Variants in TRMT6 observed in about 807,000 individuals in gnomAD.
The protein encoded by TRMT6 is tRNA (adenine(58)-N(1))-methyltransferase non-catalytic subunit TRM6.
Under a neutral mutation model 59.0 loss-of-function variants are expected in TRMT6, and 34 were observed. The observed-to-expected ratio is 0.58, with a 90% confidence interval of 0.44 to 0.77. The LOEUF is 0.77. Among genes scored for constraint, TRMT6 ranks in the 30% least tolerant of loss-of-function variants. TRMT6 has a pLI of 0.00. For synonymous variants in TRMT6, 217 were observed against 210.5 expected, an observed-to-expected ratio of 1.03 and a Z score of -0.27; for missense variants, 575 against 604.5, an observed-to-expected ratio of 0.95 and a Z score of 0.51.
chr20:5,938,799 A>C (rs908067718), intron 10 of TRMT6, 73 bp from the exon 11 acceptor site: 2 of 1,355,586 alleles, frequency 1.5e-6, no homozygotes, highest in African/African-American at 2.9e-5. Context: ...ATATACCAAA[A>C]ATCAGAATTT....
intron 10 of TRMT6, among the ~76,000 whole-genome samples, chr20:5,939,896 C>T (rs1196659156): frequency 1.3e-5 from 2 of 152,174 alleles, no homozygotes; most frequent in Non-Finnish European, 2.9e-5. Context: ...GAGGTGCTCC[C>T]CTCAGATCTC....
Position 5,937,764 on chromosome 20 carries a change from G to A in TRMT6, c.*771C>T, listed in dbSNP as rs2088620071. On this transcript the variant is annotated 3_prime_UTR_variant, in exon 11 of 11. Coordinates refer to ENST00000203001, the MANE Select transcript of TRMT6 (RefSeq NM_015939.5). Reference sequence around the variant, plus strand: ...TATCTGTGTATATATAAATATATGTGTGTATATATACCAACATCTATATAC... The same window carrying A: ...TATCTGTGTATATATAAATATATGTATGTATATATACCAACATCTATATAC... 1 of 152,118 alleles carries A rather than the reference G, an allele frequency of 6.6e-6. No homozygotes were observed. The highest frequency in any genetic ancestry group is 1.5e-5 in the Non-Finnish European group (1 of 68,036). 9.4% of individuals were successfully genotyped at this position (152,118 alleles called of 1,614,324 possible).
At chr20:5,940,707 C>T (rs932832666) in intron 10 of TRMT6, among the ~76,000 whole-genome samples, 6 of 151,946 alleles carry the variant, frequency 3.9e-5, no homozygotes, top group Non-Finnish European at 7.4e-5. Flanking sequence ...CAGCCTCGAC[C>T]TCCAGGGTTC....
chr20:5,941,375 C>A, intron 8 of TRMT6, 30 bp from the exon 9 acceptor site: 1 of 1,514,894 alleles, frequency 6.6e-7, no homozygotes, highest in Non-Finnish European at 9.2e-7. Flanking sequence ...CAAATTATTT[C>A]TCTACACCCT....
chr20:5,940,635 T>C (rs1050436553), intron 10 of TRMT6, among the ~76,000 whole-genome samples: 4 of 152,180 alleles, frequency 2.6e-5, no homozygotes, highest in African/African-American at 9.7e-5. Flanking sequence ...TGTTTTGTTT[T>C]TGAGAGAGGG....
In TRMT6 at chr20:5,937,359, T is replaced by C. The variant is rs1164754319; in HGVS notation, c.*1176A>G. 3 of 152,216 alleles carry C rather than the reference T, an allele frequency of 2.0e-5. No individual in the cohort carries two copies. The highest frequency in any genetic ancestry group is 7.2e-5 in the African/African-American group (3 of 41,444). 9.4% of individuals were successfully genotyped at this position (152,216 alleles called of 1,614,324 possible). A position where few individuals can be genotyped will look rare whatever the true frequency, so the allele number is the denominator to read the frequency against. ...TTCTGAGATGTTCCTTGCTGTATGA[T>C]ACAGGCCTATTCTATGACAGGAGCA... On this transcript the variant is annotated 3_prime_UTR_variant, in exon 11 of 11. Coordinates refer to ENST00000203001, the MANE Select transcript of TRMT6 (RefSeq NM_015939.5).
intron 10 of TRMT6, 63 bp downstream of exon 10, chr20:5,940,990 C>T: frequency 2.4e-6 from 3 of 1,239,150 alleles, no homozygotes; most frequent in Non-Finnish European, 3.6e-6. Context: ...ACTTCTAGTA[C>T]TACTGCAAGG....
At chr20:5,942,068 TG>T in intron 7 of TRMT6, 32 bp from the exon 8 acceptor site, 1 of 1,568,948 alleles carries the variant, frequency 6.4e-7, no homozygotes. Flanking sequence ...ATCAATGTAC[TG>T]GGGTCTTTCA....
rs761819789 is a variant in TRMT6 at position 5,950,386 on chromosome 20, T to G, written c.20A>C (p.Gln7Pro). ...GGGATGCTGTGGTTGTGGGCCCGGC[T>G]GCTCCCCTGAGCCCTCCATGACGCT... MEGSGE[Q>P]PGPQPQHPGD... Residue 7 changes from glutamine (Q) to proline (P), a missense_variant, in exon 1 of 11, where the codon CAG becomes CCG. Transcript: ENST00000203001. 1 of 1,605,016 alleles carries G rather than the reference T, an allele frequency of 6.2e-7. No homozygotes were observed. Among genetic ancestry groups the G allele is most frequent in the South Asian group, 1.1e-5 (1 of 91,010 alleles).
intron 10 of TRMT6, among the ~76,000 whole-genome samples, chr20:5,939,391 G>A (rs1200273340): frequency 6.6e-6 from 1 of 150,688 alleles, no homozygotes; most frequent in Non-Finnish European, 1.5e-5. Context: ...TGAGGCAGGA[G>A]AATTGCTTGA....
At position 5,944,270 on chromosome 20, in the gene TRMT6, A is replaced by C. The variant is rs1219559192; in HGVS notation, c.367-17T>G. Reference sequence around the variant, plus strand: ...AACTATTTCCTATAAGAAAAGGAGCAAGTAGATTTTCTGAAACTTTACTTT... The same window carrying C: ...AACTATTTCCTATAAGAAAAGGAGCCAGTAGATTTTCTGAAACTTTACTTT... On this transcript the variant is annotated splice_polypyrimidine_tract_variant and intron_variant, in intron 3 of 10. Coordinates refer to ENST00000203001, the MANE Select transcript of TRMT6 (RefSeq NM_015939.5). The C allele has an allele frequency of 4.2e-6, 6 of 1,445,548 alleles. No individual in the cohort carries two copies. Among genetic ancestry groups the C allele is most frequent in the Non-Finnish European group, 5.6e-6 (6 of 1,064,414 alleles). The allele number at this position is 1,445,548 out of a possible 1,614,324, so 89.5% of individuals were successfully genotyped here. A position where few individuals can be genotyped will look rare whatever the true frequency, so the allele number is the denominator to read the frequency against.
intron 3 of TRMT6, 137 bp downstream of exon 3, chr20:5,944,668 G>A: frequency 4.8e-6 from 3 of 623,098 alleles, no homozygotes; most frequent in Non-Finnish European, 8.4e-6. Context: ...TGAGTAACAT[G>A]TACATTTCAA....
Position 5,941,013 on chromosome 20 carries a change from C to T in TRMT6, c.1302+40G>A, listed in dbSNP as rs114699711. 2.2e-3 allele frequency: 3,258 copies of T among 1,496,988 alleles called. 62 individuals carry two copies. The African/African-American group carries it at 0.039, about 18-fold the overall frequency. 92.7% of individuals were successfully genotyped at this position (1,496,988 alleles called of 1,614,324 possible). A position where few individuals can be genotyped will look rare whatever the true frequency, so the allele number is the denominator to read the frequency against. ...TACTACTGCAAGGAAAGTCAAGTCT[C>T]GGGAGGGCAGCTCTTGGGACTGGCT... is the stretch of plus-strand genomic sequence containing the variant. On this transcript the variant is annotated intron_variant, in intron 10 of 10. Coordinates refer to ENST00000203001, the MANE Select transcript of TRMT6 (RefSeq NM_015939.5).
intron 8 of TRMT6, 184 bp downstream of exon 8, chr20:5,941,767 C>T: frequency 1.6e-6 from 1 of 627,898 alleles, no homozygotes; most frequent in Non-Finnish European, 2.8e-6. Context: ...AACCCTGAAA[C>T]CAGCATCATC....
chr20:5,946,648 A>G (rs1232215926), intron 1 of TRMT6, 115 bp from the exon 2 acceptor site: 9 of 914,790 alleles, frequency 9.8e-6, no homozygotes, highest in African/African-American at 1.7e-5. Flanking sequence ...CAGCAGCATT[A>G]TCTCTGAACA....
chr20:5,941,474 A>T (rs2088655571), intron 8 of TRMT6, 129 bp from the exon 9 acceptor site: 1 of 700,012 alleles, frequency 1.4e-6, no homozygotes, highest in African/African-American at 1.8e-5. Flanking sequence ...TAAATATAAC[A>T]TTCTAGAAAT....
Position 5,938,203 on chromosome 20 carries a change from A to AT in TRMT6, c.*331dup, listed in dbSNP as rs770640258. On this transcript the variant is annotated 3_prime_UTR_variant, in exon 11 of 11. Transcript: ENST00000203001. ...CGCCATGTTTTAGTTACGTTGTATT[A>AT]TTCCACTTAGCTTAAAATATAAAGT... 6.5e-5 allele frequency: 13 copies of AT among 200,904 alleles called. No individual in the cohort carries two copies. The highest frequency in any genetic ancestry group is 1.0e-4 in the Non-Finnish European group (10 of 99,570). The allele number at this position is 200,904 out of a possible 1,614,324, so 12.4% of individuals were successfully genotyped here. A position where few individuals can be genotyped will look rare whatever the true frequency, so the allele number is the denominator to read the frequency against.
intron 2 of TRMT6, 105 bp downstream of exon 2, chr20:5,946,301 T>C: frequency 1.4e-6 from 2 of 1,403,230 alleles, no homozygotes; most frequent in Non-Finnish European, 2.0e-6. Context: ...GAGTTAAGAT[T>C]TCTTTTGGGA....
intron 2 of TRMT6, among the ~76,000 whole-genome samples, chr20:5,945,563 C>T (rs2088698641): frequency 6.6e-6 from 1 of 152,198 alleles, no homozygotes; most frequent in Non-Finnish European, 1.5e-5. Context: ...GGTGTTCCAA[C>T]TGGTAAGCAC....
Sources: allele counts gnomAD v4.1 joint callset (sites outside exome capture counted in the v4.1 genomes callset), GRCh38; gene constraint gnomAD v4.1.1; transcripts MANE v1.5; gene names NCBI Gene and HGNC (gene_info 2026-07-23, HGNC 2026-07-21).